The following DPF1 variants were observed in gnomAD, a reference collection of about 807,000 sequenced individuals.
The protein encoded by DPF1 is zinc finger protein neuro-d4.
A neutral mutation model predicts 58.7 loss-of-function variants in DPF1; 14 were observed. That is an observed-to-expected ratio of 0.24 (90% confidence interval 0.16 to 0.37). The LOEUF is 0.37. DPF1 is among the 10% of genes least tolerant of loss of function. DPF1 has a pLI of 1.00. For synonymous variants in DPF1, 216 were observed against 216.0 expected, an observed-to-expected ratio of 1.00 and a Z score of 0.00; for missense variants, 345 against 529.9, an observed-to-expected ratio of 0.65 and a Z score of 3.43.
chr19:38,226,883 A>C (rs1967846286), upstream of DPF1, among the ~76,000 whole-genome samples: 1 of 151,934 alleles, frequency 6.6e-6, no homozygotes. Context: ...TCTCATGTCG[A>C]TTTGATTAAG....
At chr19:38,226,502 C>CCACACACACACACACACACA (rs758283337), upstream of DPF1, among the ~76,000 whole-genome samples, 8 of 112,392 alleles carry the variant, frequency 7.1e-5, no homozygotes, top group African/African-American at 2.6e-4. Flanking sequence ...ACGGTCACTT[C>CCACACACACACACACACACA]TACACACACA....
Position 38,222,862 on chromosome 19 carries a change from A to T in DPF1, c.30-154T>A, listed in dbSNP as rs2278433. On this transcript the variant is annotated intron_variant, in intron 1 of 11. Coordinates refer to ENST00000355526, the MANE Select transcript of DPF1 (RefSeq NM_001135155.3). This position sits in a 1 kb window ranked among gnomAD's most constrained non-coding sequence, Gnocchi z 4.9. ...CTCCCCTCCTCCCACTCCGGGACCC[A>T]GGCTGGGGGAAGGGGACAGGGCCCA... The T allele has an allele frequency of 1.7e-6, 2 of 1,149,736 alleles. No individual in the cohort carries two copies. The highest frequency in any genetic ancestry group is 3.3e-5 in the African/African-American group (2 of 60,582). 71.2% of individuals were successfully genotyped at this position (1,149,736 alleles called of 1,614,324 possible).
At chr19:38,214,677 G>C (rs1444261043) in intron 9 of DPF1, among the ~76,000 whole-genome samples, 2 of 151,966 alleles carry the variant, frequency 1.3e-5, no homozygotes, top group Admixed American at 6.6e-5. Context: ...TCTTGTTTTG[G>C]TTTTTGAAAC....
rs1371589852 is a variant in DPF1 at position 38,217,260 on chromosome 19, G to T, written c.727+200C>A. ...AATAAATCAGACCCAGAAATATTAC[G>T]CCCGGCCAGGAGCGAAGGAGCGATG... On this transcript the variant is annotated intron_variant, in intron 7 of 11. Transcript: ENST00000355526. 7.6e-6 allele frequency: 5 copies of T among 656,930 alleles called. No individual in the cohort carries two copies. In the South Asian group the frequency reaches 9.7e-5, roughly 13 times the overall value. The allele number at this position is 656,930 out of a possible 1,614,324, so 40.7% of individuals were successfully genotyped here.
rs1172371928 is a variant in DPF1, at chr19:38,222,622, G to A, written c.116C>T (p.Pro39Leu). Reference sequence around the variant, plus strand: ...CACGCCGGTCTGCGAGTCGAGGAAGGGCAGTCGCAGGCTGCGCTCGGCGCA... The same window carrying A: ...CACGCCGGTCTGCGAGTCGAGGAAGAGCAGTCGCAGGCTGCGCTCGGCGCA... ...RLCAERSLRLPFLDSQTGVAQ... is the reference protein window; with the variant it reads ...RLCAERSLRLLFLDSQTGVAQ... Residue 39 changes from proline (P) to leucine (L), a missense_variant, in exon 2 of 12, where the codon CCC (proline) becomes CTC (leucine). By Grantham distance (98) the Pro-to-Leu change is moderately conservative (BLOSUM62 -3). Coordinates refer to ENST00000355526, the MANE Select transcript of DPF1 (RefSeq NM_001135155.3). This position sits in a 1 kb window ranked among gnomAD's most constrained non-coding sequence, Gnocchi z 4.9. 6.2e-7 allele frequency: 1 copy of A among 1,611,332 alleles called. No homozygotes were observed. Among genetic ancestry groups the A allele is most frequent in the Non-Finnish European group, 8.5e-7 (1 of 1,179,042 alleles).
intron 4 of DPF1, 132 bp downstream of exon 4, chr19:38,218,799 G>A: frequency 6.5e-7 from 1 of 1,532,342 alleles, no homozygotes; most frequent in East Asian, 2.3e-5. Flanking sequence ...AGTCTGGGAG[G>A]ATGGTGACTG....
At chr19:38,227,609 T>C (rs1004641739), upstream of DPF1, among the ~76,000 whole-genome samples, 2 of 152,166 alleles carry the variant, frequency 1.3e-5, no homozygotes, top group African/African-American at 4.8e-5. Context: ...ATACTACTAA[T>C]AATAATCACT....
rs1207245309 is a variant in DPF1, at chr19:38,217,481, G to A, written c.706C>T (p.His236Tyr). The A allele has an allele frequency of 1.9e-6, 3 of 1,550,450 alleles. No individual in the cohort carries two copies. Among genetic ancestry groups the A allele is most frequent in the Admixed American group, 2.0e-5 (1 of 50,876 alleles). ...TCACGTTTATGGTTGTTTTTCCGGT[G>A]GAAGGGCAGGGCGTGGCGTTCGGCG... ...ENAERHALPF[H>Y]RKNNHKQFYK... The change falls in exon 7 of 12, where the codon CAC becomes TAC. Residue 236 changes from histidine (H) to tyrosine (Y), a missense_variant. His to Tyr is a moderately conservative substitution (Grantham distance 83). Coordinates refer to ENST00000355526, the MANE Select transcript of DPF1 (RefSeq NM_001135155.3).
chr19:38,215,989 G>C (rs1966986110), intron 9 of DPF1, 151 bp downstream of exon 9: 1 of 1,332,510 alleles, frequency 7.5e-7, no homozygotes, highest in Non-Finnish European at 1.0e-6. Flanking sequence ...CTCAGCAGTT[G>C]CATCAGCCTC....
chr19:38,221,868 G>T (rs544938540), intron 3 of DPF1, among the ~76,000 whole-genome samples: 1 of 152,060 alleles, frequency 6.6e-6, no homozygotes, highest in Non-Finnish European at 1.5e-5. Context: ...GATCACCTGA[G>T]GTCAGGAGTT....
chr19:38,211,727 C>A lies in DPF1; in HGVS notation c.*336G>T. 22 of 228,942 alleles carry A rather than the reference C, an allele frequency of 9.6e-5. No homozygotes were observed. The highest frequency in any genetic ancestry group is 1.3e-3 in the Middle Eastern group (1 of 780). The allele number at this position is 228,942 out of a possible 1,614,324, so 14.2% of individuals were successfully genotyped here. A position where few individuals can be genotyped will look rare whatever the true frequency, so the allele number is the denominator to read the frequency against. ...CTTTTTTTTTTTTTTAACTTTTTGT[C>A]TTTTTCTTTAGAAAAAGGCTCTGTC... On this transcript the variant is annotated 3_prime_UTR_variant, in exon 12 of 12. Coordinates refer to ENST00000355526, the MANE Select transcript of DPF1 (RefSeq NM_001135155.3). The surrounding 1 kb of genome is among the most constrained non-coding windows in gnomAD (Gnocchi z 4.0).
intron 9 of DPF1, among the ~76,000 whole-genome samples, chr19:38,214,255 A>T (rs534832022): frequency 6.6e-6 from 1 of 152,316 alleles, no homozygotes; most frequent in Non-Finnish European, 1.5e-5. Flanking sequence ...TTGGTGCCCC[A>T]GCAACAAAAC....
intron 9 of DPF1, among the ~76,000 whole-genome samples, chr19:38,214,996 C>T (rs1966910111): frequency 6.8e-6 from 1 of 146,428 alleles, no homozygotes; most frequent in Non-Finnish European, 1.5e-5. Context: ...CCACCACACC[C>T]AGCTAAATTT....
chr19:38,217,396 C>A, intron 7 of DPF1, 64 bp downstream of exon 7: 1 of 1,225,740 alleles, frequency 8.2e-7, no homozygotes. Context: ...CCCCCACCCC[C>A]AGCTGGGCTC....
Position 38,222,096 on chromosome 19 carries a change from C to T in DPF1, c.298+261G>A, listed in dbSNP as rs1967520750. 8.0e-5 allele frequency among the ~76,000 whole-genome samples: 10 copies of T among 125,024 alleles called. No homozygotes were observed. The South Asian group carries it at 2.2e-3, about 27-fold the overall frequency. The allele number at this position is 125,024 out of a possible 152,430, so 82.0% of individuals were successfully genotyped here. On this transcript the variant is annotated intron_variant, in intron 3 of 11. Transcript: ENST00000355526. This position sits in a 1 kb window ranked among gnomAD's most constrained non-coding sequence, Gnocchi z 4.9. ...CACGCCAGCCTGGGTGAAACTCTGT[C>T]TCAAAAATAAATAAATAAATAAATA...
upstream of DPF1, among the ~76,000 whole-genome samples, chr19:38,227,377 C>T (rs1473270952): frequency 6.6e-6 from 1 of 152,076 alleles, no homozygotes; most frequent in Non-Finnish European, 1.5e-5. Flanking sequence ...CATGCCCGGC[C>T]CACCAGCAGG....
Position 38,222,413 on chromosome 19 carries a change from T to G in DPF1, c.242A>C (p.Lys81Thr). The part of the protein sequence containing the change: ...YTYPARCWRK[K>T]RRLNILEDPR... The stretch of plus-strand genomic sequence containing the variant: ...GTCCTCCAGGATGTTGAGTCTCCGT[T>G]TCTTCCTCCAACAGCGGGCGGGGTA... The change falls in exon 3 of 12, where the codon AAA (lysine) becomes ACA (threonine). Residue 81 changes from lysine to threonine, a missense_variant. Coordinates refer to ENST00000355526, the MANE Select transcript of DPF1 (RefSeq NM_001135155.3). This position sits in a 1 kb window ranked among gnomAD's most constrained non-coding sequence, Gnocchi z 4.9. 1 of 1,587,572 alleles carries G rather than the reference T, an allele frequency of 6.3e-7. No homozygotes were observed. The highest frequency in any genetic ancestry group is 2.3e-5 in the East Asian group (1 of 43,394).
At chr19:38,215,973 A>G (rs563130468) in intron 9 of DPF1, among the ~76,000 whole-genome samples, 167 bp downstream of exon 9, 21 of 152,238 alleles carry the variant, frequency 1.4e-4, no homozygotes, top group African/African-American at 4.8e-4. Context: ...CCCAATTCCC[A>G]CAATCCTCAG....
chr19:38,211,971 C>G lies in DPF1; in HGVS notation c.*92G>C. 7.0e-7 allele frequency: 1 copy of G among 1,435,412 alleles called. No homozygotes were observed. The highest frequency in any genetic ancestry group is 1.2e-5 in the South Asian group (1 of 80,636). The allele number at this position is 1,435,412 out of a possible 1,614,324, so 88.9% of individuals were successfully genotyped here. The stretch of plus-strand genomic sequence containing the variant: ...TCTCGGCTTCCCCCTCTCCCCCTCC[C>G]CCTGCGGGATGTTCAGGGTGGGGGA... On this transcript the variant is annotated 3_prime_UTR_variant, in exon 12 of 12. Transcript: ENST00000355526. This position sits in a 1 kb window ranked among gnomAD's most constrained non-coding sequence, Gnocchi z 4.0.
Sources: allele counts gnomAD v4.1 joint callset (sites outside exome capture counted in the v4.1 genomes callset), GRCh38; gene constraint gnomAD v4.1.1; non-coding constraint Gnocchi (gnomAD v3.1); transcripts MANE v1.5; gene names NCBI Gene and HGNC (gene_info 2026-07-23, HGNC 2026-07-21).